PCDH9: variants seen among roughly 807,000 people sequenced by gnomAD.
The protein encoded by PCDH9 is protocadherin-9.
A neutral mutation model predicts 70.6 loss-of-function variants in PCDH9; 24 were observed. The ratio of observed to expected loss-of-function variants is 0.34; its 90% confidence interval spans 0.25 to 0.48. PCDH9 has a LOEUF of 0.48. PCDH9 is among the 20% of genes least tolerant of loss of function. PCDH9 has a pLI of 0.99. For missense variants in PCDH9, 1,281 were observed against 1,503.6 expected, an observed-to-expected ratio of 0.85 and a Z score of 2.45; for synonymous variants, 562 against 558.5, an observed-to-expected ratio of 1.01 and a Z score of -0.09.
intron 2 of PCDH9, among the ~76,000 whole-genome samples, chr13:66,921,102 T>C (rs2082630449): frequency 6.6e-6 from 1 of 151,110 alleles, no homozygotes; most frequent in African/African-American, 2.4e-5. Flanking sequence ...CTCATAGAAG[T>C]TCTTTTTCCC....
chr13:66,998,076 G>A (rs1466399957), intron 2 of PCDH9, among the ~76,000 whole-genome samples: 1 of 152,140 alleles, frequency 6.6e-6, no homozygotes, highest in African/African-American at 2.4e-5. Flanking sequence ...AAAGTGATAT[G>A]AGAAAATTTT....
At chr13:67,022,958 G>A (rs571591335) in intron 2 of PCDH9, among the ~76,000 whole-genome samples, 3 of 152,324 alleles carry the variant, frequency 2.0e-5, no homozygotes, top group South Asian at 2.1e-4. Flanking sequence ...TTCTGCAGGT[G>A]TACAGGTCTT....
At chr13:67,151,204 C>T (rs2087651860) in intron 2 of PCDH9, among the ~76,000 whole-genome samples, 1 of 151,708 alleles carries the variant, frequency 6.6e-6, no homozygotes, top group South Asian at 2.1e-4. Context: ...AAAAAAAAAT[C>T]ACATTCATGT....
At chr13:66,610,627 A>C (rs2077282596) in intron 4 of PCDH9, among the ~76,000 whole-genome samples, 1 of 152,170 alleles carries the variant, frequency 6.6e-6, no homozygotes, top group African/African-American at 2.4e-5. Context: ...ATAATCTTCT[A>C]CTACACAATC....
At chr13:66,311,525 C>A (rs538299148) in intron 4 of PCDH9, among the ~76,000 whole-genome samples, 1 of 151,924 alleles carries the variant, frequency 6.6e-6, no homozygotes, top group East Asian at 1.9e-4. Flanking sequence ...TTGATAGACA[C>A]CCTAATATCC....
chr13:66,695,447 G>A (rs1462229291), intron 3 of PCDH9, among the ~76,000 whole-genome samples: 3 of 152,110 alleles, frequency 2.0e-5, no homozygotes, highest in African/African-American at 7.2e-5. Flanking sequence ...ACTGCATCTT[G>A]AGCACACATA....
intron 4 of PCDH9, among the ~76,000 whole-genome samples, chr13:66,445,285 G>A (rs1279103589): frequency 6.8e-6 from 1 of 147,260 alleles, no homozygotes; most frequent in Non-Finnish European, 1.5e-5. Context: ...AAAAAGCTGA[G>A]TATCTTCTTT....
At chr13:66,506,786 A>T (rs550600383) in intron 4 of PCDH9, among the ~76,000 whole-genome samples, 23 of 152,384 alleles carry the variant, frequency 1.5e-4, no homozygotes, top group Admixed American at 1.2e-3. Flanking sequence ...TTAGACGCTC[A>T]CATAAAAAAG....
At chr13:66,733,418 G>A (rs1364175765) in intron 3 of PCDH9, among the ~76,000 whole-genome samples, 1 of 152,038 alleles carries the variant, frequency 6.6e-6, no homozygotes, top group Non-Finnish European at 1.5e-5. Flanking sequence ...AATTATTTTT[G>A]ATGGATAAAT....
At chr13:67,065,591 C>A (rs1376205753) in intron 2 of PCDH9, among the ~76,000 whole-genome samples, 2 of 152,106 alleles carry the variant, frequency 1.3e-5, no homozygotes, top group Non-Finnish European at 2.9e-5. Flanking sequence ...GATACTTGTA[C>A]AACTTGGGTT....
At chr13:66,479,540 C>T (rs1030461614) in intron 4 of PCDH9, among the ~76,000 whole-genome samples, 1 of 152,162 alleles carries the variant, frequency 6.6e-6, no homozygotes, top group Admixed American at 6.6e-5. Context: ...AGAGGTGAAG[C>T]CAGCTGGACT....
chr13:67,013,922 C>T (rs9529168), intron 2 of PCDH9, among the ~76,000 whole-genome samples: 88,750 of 151,758 alleles, frequency 0.58, 26,493 homozygotes, highest in East Asian at 0.95. Context: ...CATCTGTGTC[C>T]CATGCTCTTG....
rs185928518 is a variant in PCDH9, at chr13:66,927,289, C to T, written c.3037-23684G>A. Reference sequence around the variant, plus strand: ...GAGGCCCTTATCCTTAGCAAACTAACGCAGGAAGAGAAAACTAAACACTGC... The same window carrying T: ...GAGGCCCTTATCCTTAGCAAACTAATGCAGGAAGAGAAAACTAAACACTGC... On this transcript the variant is annotated intron_variant, in intron 2 of 4. Transcript: ENST00000377865. 2.6e-3 allele frequency among the ~76,000 whole-genome samples: 391 copies of T among 152,040 alleles called. 2 individuals carry two copies. Among genetic ancestry groups the T allele is most frequent in the Non-Finnish European group, 3.7e-3 (251 of 67,966 alleles).
At chr13:66,782,316 C>T (rs1026825179) in intron 3 of PCDH9, among the ~76,000 whole-genome samples, 1 of 151,790 alleles carries the variant, frequency 6.6e-6, no homozygotes, top group Non-Finnish European at 1.5e-5. Flanking sequence ...TTTCCTAGTC[C>T]AACAAAAGAA....
intron 2 of PCDH9, among the ~76,000 whole-genome samples, chr13:67,059,780 C>T (rs1015516880): frequency 5.3e-5 from 8 of 151,894 alleles, no homozygotes; most frequent in African/African-American, 1.9e-4. Flanking sequence ...CAGAAATTAA[C>T]TTTGAAGCTA....
intron 2 of PCDH9, among the ~76,000 whole-genome samples, chr13:67,127,641 A>G (rs1014682618): frequency 3.3e-5 from 5 of 149,906 alleles, no homozygotes; most frequent in Admixed American, 1.3e-4. Flanking sequence ...CAGCTCTCCT[A>G]TTCATTTCAA....
intron 4 of PCDH9, among the ~76,000 whole-genome samples, chr13:66,365,791 G>C (rs888077578): frequency 6.6e-6 from 1 of 151,954 alleles, no homozygotes; most frequent in African/African-American, 2.4e-5. Flanking sequence ...TGCTTGATAC[G>C]TAGTAAGGTC....
At chr13:66,652,651 G>C (rs2077869787) in intron 3 of PCDH9, among the ~76,000 whole-genome samples, 1 of 151,264 alleles carries the variant, frequency 6.6e-6, no homozygotes, top group Non-Finnish European at 1.5e-5. Flanking sequence ...AATGTATATG[G>C]AACCACAAAT....
intron 4 of PCDH9, among the ~76,000 whole-genome samples, chr13:66,400,166 T>G (rs1383047149): frequency 1.3e-5 from 2 of 152,174 alleles, no homozygotes; most frequent in Non-Finnish European, 2.9e-5. Flanking sequence ...TAAAGTTAGA[T>G]TTAGAAACAG....
Sources: allele counts gnomAD v4.1 joint callset (sites outside exome capture counted in the v4.1 genomes callset), GRCh38; gene constraint gnomAD v4.1.1; transcripts MANE v1.5; gene names NCBI Gene and HGNC (gene_info 2026-07-23, HGNC 2026-07-21).